HERC2: variants seen among roughly 807,000 people sequenced by gnomAD.
HERC2 encodes E3 ubiquitin-protein ligase HERC2.
In HERC2, 102 loss-of-function variants were observed where a neutral mutation model predicts 537.7. That is an observed-to-expected ratio of 0.19 (90% confidence interval 0.16 to 0.22). The LOEUF (loss-of-function observed/expected upper bound fraction) is 0.22. HERC2 is among the 10% of genes least tolerant of loss of function. HERC2 has a pLI of 1.00. For synonymous variants in HERC2, 2,224 were observed against 2,466.2 expected (o/e 0.90, Z 2.91); for missense variants, 4,236 against 6,198.2 (o/e 0.68, Z 10.63).
intron 55 of HERC2, among the ~76,000 whole-genome samples, chr15:28,188,922 T>A (rs1896575579): frequency 6.6e-6 from 1 of 151,990 alleles, no homozygotes; most frequent in African/African-American, 2.4e-5. Context: ...ACCCCGTCTC[T>A]ATTAAAAATA....
chr15:28,284,091 A>G (rs2076092472), intron 4 of HERC2, among the ~76,000 whole-genome samples: 1 of 152,334 alleles, frequency 6.6e-6, no homozygotes, highest in African/African-American at 2.4e-5. Flanking sequence ...GTTCGTGCTA[A>G]GTACTTATGA....
intron 57 of HERC2, among the ~76,000 whole-genome samples, chr15:28,181,669 C>A (rs72714142): frequency 0.11 from 16,089 of 152,266 alleles, 1,194 homozygotes; most frequent in East Asian, 0.29. Context: ...CTAAGTAATA[C>A]AAGGAATGCT....
At chr15:28,264,276 A>T (rs2075499821) in intron 14 of HERC2, among the ~76,000 whole-genome samples, 1 of 152,202 alleles carries the variant, frequency 6.6e-6, no homozygotes, top group African/African-American at 2.4e-5. Flanking sequence ...CACAGACAGT[A>T]CGTAAATGAG....
chr15:28,269,466 T>TAAC (rs752412490), intron 10 of HERC2, 30 bp from the exon 11 acceptor site: 18 of 1,545,114 alleles, frequency 1.2e-5, no homozygotes, highest in Middle Eastern at 1.7e-4. Context: ...ACATTTCCTT[T>TAAC]AACAACAACA....
At chr15:28,132,587 G>GC in intron 80 of HERC2, 66 bp downstream of exon 80, 4 of 1,325,804 alleles carry the variant, frequency 3.0e-6, no homozygotes, top group Non-Finnish European at 3.9e-6. Flanking sequence ...GTGGCAAACC[G>GC]CCCCCATCTG....
At chr15:28,197,678 G>A (rs1897478067) in intron 50 of HERC2, among the ~76,000 whole-genome samples, 1 of 152,150 alleles carries the variant, frequency 6.6e-6, no homozygotes, top group Non-Finnish European at 1.5e-5. Flanking sequence ...CTTAAACCTG[G>A]GGGCGGAGGT....
Position 28,280,129 on chromosome 15 carries a change from C to T in HERC2, c.481G>A (p.Glu161Lys), listed in dbSNP as rs2075984308. 2 of 1,614,014 alleles carry T rather than the reference C, an allele frequency of 1.2e-6. No individual in the cohort carries two copies. Among genetic ancestry groups the T allele is most frequent in the East Asian group, 2.2e-5 (1 of 44,886 alleles). Residue 161 changes from glutamate to lysine, a missense_variant, in exon 5 of 93, where the codon GAG becomes AAG. Around this residue, in one of 27 missense-constraint regions of HERC2, gnomAD observed 491 missense variants for 559.3 expected, o/e 0.88. Coordinates refer to ENST00000261609, the MANE Select transcript of HERC2 (RefSeq NM_004667.6). ...CTTTTCCACTTAACTTTGACATTCT[C>T]CTGAAAAACGGTTCTATTCAAGGCA... ...FIALNRTVFQ[E>K]NVKVKWKSSG...
At chr15:28,319,445 C>T (rs2077175068) in intron 2 of HERC2, among the ~76,000 whole-genome samples, 1 of 151,574 alleles carries the variant, frequency 6.6e-6, no homozygotes, top group South Asian at 2.1e-4. Context: ...GTCGGGCATG[C>T]ATGGTGGCAC....
At position 28,213,492 on chromosome 15, in the gene HERC2, AGATG is replaced by A. The variant is rs530560180; in HGVS notation, c.6786+246_6786+249del. The A allele has an allele frequency of 3.4e-3, 624 of 185,172 alleles. 5 individuals are homozygous for A. Among genetic ancestry groups the A allele is most frequent in the African/African-American group, 0.015 (582 of 38,678 alleles). 11.5% of individuals were successfully genotyped at this position (185,172 alleles called of 1,614,324 possible). A position where few individuals can be genotyped will look rare whatever the true frequency, so the allele number is the denominator to read the frequency against. On this transcript the variant is annotated intron_variant, in intron 42 of 92. Coordinates refer to ENST00000261609, the MANE Select transcript of HERC2 (RefSeq NM_004667.6). ...TTTAAAATAATTAGAACTACCTCAT[AGATG>A]CACGGTACCTTCTAGGTTGCTAAAG...
In HERC2 at chr15:28,141,623, C is replaced by A; in HGVS notation, c.11824G>T (p.Asp3942Tyr). 6.2e-7 allele frequency: 1 copy of A among 1,614,210 alleles called. No individual in the cohort carries two copies. The highest frequency in any genetic ancestry group is 8.5e-7 in the Non-Finnish European group (1 of 1,180,040). Residue 3942 changes from aspartate to tyrosine, a missense_variant, in exon 78 of 93, where the codon GAT (aspartate) becomes TAT (tyrosine). Physicochemically the swap from Asp to Tyr is radical, Grantham distance 160 (BLOSUM62 -3). Around this residue, in one of 27 missense-constraint regions of HERC2, gnomAD observed 156 missense variants for 172.3 expected, o/e 0.91. Coordinates refer to ENST00000261609, the MANE Select transcript of HERC2 (RefSeq NM_004667.6). Reference protein sequence around the residue: ...QLVQWMNRRPDDWTLSAGGSG... With the variant: ...QLVQWMNRRPYDWTLSAGGSG... ...CCACCAGCAGAGAGAGTCCAGTCAT[C>A]TGGTCGCCTACAATACACATCAAGT...
chr15:28,116,918 C>T, intron 87 of HERC2, 59 bp from the exon 88 acceptor site: 2 of 1,608,426 alleles, frequency 1.2e-6, no homozygotes, highest in Non-Finnish European at 1.7e-6. Context: ...AAAGAGAGCC[C>T]CAACGCTCCC....
chr15:28,114,915 A>G (rs1433166861), intron 89 of HERC2, 113 bp from the exon 90 acceptor site: 11 of 813,404 alleles, frequency 1.4e-5, no homozygotes, highest in Non-Finnish European at 2.2e-5. Flanking sequence ...CCTCAAGTGC[A>G]TCTCGAGGCT....
intron 69 of HERC2, among the ~76,000 whole-genome samples, chr15:28,160,217 G>A (rs7172929): frequency 0.13 from 19,125 of 152,186 alleles, 4,053 homozygotes; most frequent in African/African-American, 0.44. Flanking sequence ...CCATTCTCAG[G>A]TCTCAAACTC....
At chr15:28,310,659 A>C (rs1316654422) in intron 2 of HERC2, among the ~76,000 whole-genome samples, 1 of 152,138 alleles carries the variant, frequency 6.6e-6, no homozygotes, top group Admixed American at 6.6e-5. Context: ...CAGCGGTCAG[A>C]ACTCACAGCT....
rs550525910 is a variant in HERC2 at position 28,270,970 on chromosome 15, G to A, written c.1084-102C>T. 93 of 939,474 alleles carry A rather than the reference G, an allele frequency of 9.9e-5. No individual in the cohort carries two copies. In the African/African-American group the frequency reaches 1.2e-3, roughly 12 times the overall value. The allele number at this position is 939,474 out of a possible 1,614,324, so 58.2% of individuals were successfully genotyped here. ...TTTATATTTTGGTATTGACTCATTT[G>A]ACCCATCAAATGACAATGTCAATGA... On this transcript the variant is annotated intron_variant, in intron 9 of 92. Transcript: ENST00000261609.
chr15:28,115,602 C>A, intron 88 of HERC2, 61 bp from the exon 89 acceptor site: 1 of 1,190,546 alleles, frequency 8.4e-7, no homozygotes, highest in Non-Finnish European at 1.2e-6. Flanking sequence ...ACTTCCCGCT[C>A]ACTCACACAC....
chr15:28,198,470 T>C lies in HERC2; in HGVS notation c.7919A>G (p.Lys2640Arg). ...YPPPSSSSHI[K>R]IGDKVRVKAS... Reference sequence around the variant, plus strand: ...TTTGACCCGCACTTTATCACCAATCTTGATGTGAGAAGAAGAACTTGGTGG... The same window carrying C: ...TTTGACCCGCACTTTATCACCAATCCTGATGTGAGAAGAAGAACTTGGTGG... Residue 2640 changes from lysine to arginine, a missense_variant, in exon 50 of 93, where the codon AAG becomes AGG. Transcript: ENST00000261609. The C allele has an allele frequency of 6.2e-7, 1 of 1,614,098 alleles. No individual in the cohort carries two copies. The highest frequency in any genetic ancestry group is 8.5e-7 in the Non-Finnish European group (1 of 1,180,004).
intron 4 of HERC2, among the ~76,000 whole-genome samples, chr15:28,291,909 GAAAAAAAAAAAAAAAA>G (rs67813649): frequency 2.6e-5 from 1 of 37,944 alleles, no homozygotes; most frequent in East Asian, 7.3e-4. Flanking sequence ...CGTCTCAAAG[GAAAAAAAAAAAAAAAA>G]AAAAAAAAAA....
chr15:28,160,375 C>T (rs1893463467), intron 69 of HERC2, among the ~76,000 whole-genome samples: 1 of 152,236 alleles, frequency 6.6e-6, no homozygotes, highest in Admixed American at 6.5e-5. Flanking sequence ...CTGCGGTGGG[C>T]TCCACCCAGT....
Sources: gnomAD v4.1 joint callset for allele counts (sites outside exome capture counted in the v4.1 genomes callset) on GRCh38, gnomAD v4.1.1 for gene constraint, gnomAD v4.1.1 regional missense constraint, MANE v1.5 for transcripts, NCBI Gene and HGNC (gene_info 2026-07-23, HGNC 2026-07-21) for gene names.